The following PCDH17 variants were observed in gnomAD, a reference collection of about 807,000 sequenced individuals.
PCDH17 encodes the protein protocadherin-17.
A neutral mutation model predicts 67.7 loss-of-function variants in PCDH17; 21 were observed. The observed-to-expected ratio is 0.31, with a 90% CI of 0.22 to 0.45. The LOEUF (loss-of-function observed/expected upper bound fraction) is 0.45, where lower values mean the gene tolerates loss of function less well. Ranked by LOEUF, PCDH17 falls within the 20% of genes least tolerant of loss-of-function variation. The pLI is 1.00. For synonymous variants in PCDH17, 701 were observed against 656.7 expected (o/e 1.07, Z -1.03); for missense variants, 1,471 against 1,564.8 (o/e 0.94, Z 1.01).
At chr13:57,672,400 A>G (rs1326650206) in intron 3 of PCDH17, among the ~76,000 whole-genome samples, 3 of 151,976 alleles carry the variant, frequency 2.0e-5, no homozygotes, top group African/African-American at 7.2e-5. Flanking sequence ...GGAGGCTCTG[A>G]GTTTCACTCC....
At chr13:57,697,196 G>GT (rs1235442527) in intron 3 of PCDH17, among the ~76,000 whole-genome samples, 3 of 151,368 alleles carry the variant, frequency 2.0e-5, no homozygotes, top group Non-Finnish European at 4.4e-5. Context: ...ATTCAGGCTG[G>GT]TTTTTTATTC....
chr13:57,726,569 A>G lies in PCDH17; in HGVS notation c.*1275A>G, dbSNP rs1362183598. Reference sequence around the variant, plus strand: ...TTTAATGTATAGTCTACCAAGTACTACAGTACATAATCTGTTCAAAATGTG... The same window carrying G: ...TTTAATGTATAGTCTACCAAGTACTGCAGTACATAATCTGTTCAAAATGTG... On this transcript the variant is annotated 3_prime_UTR_variant, in exon 4 of 4. Coordinates refer to ENST00000377918, the MANE Select transcript of PCDH17 (RefSeq NM_001040429.3). 6.6e-6 allele frequency: 1 copy of G among 152,662 alleles called. No individual in the cohort carries two copies. Among genetic ancestry groups the G allele is most frequent in the Admixed American group, 6.5e-5 (1 of 15,288 alleles). 9.5% of individuals were successfully genotyped at this position (152,662 alleles called of 1,614,324 possible).
chr13:57,659,433 AC>A (rs1261039475), intron 1 of PCDH17, among the ~76,000 whole-genome samples: 4 of 152,086 alleles, frequency 2.6e-5, no homozygotes, highest in Admixed American at 6.6e-5. Context: ...AATTTACCAT[AC>A]ACTCATCCAG....
At chr13:57,697,398 T>G (rs1955620523) in intron 3 of PCDH17, among the ~76,000 whole-genome samples, 1 of 151,676 alleles carries the variant, frequency 6.6e-6, no homozygotes, top group African/African-American at 2.4e-5. Context: ...AGATTTGTGT[T>G]AACAGGTTTA....
At chr13:57,670,958 G>A (rs1955312650) in intron 3 of PCDH17, among the ~76,000 whole-genome samples, 1 of 151,964 alleles carries the variant, frequency 6.6e-6, no homozygotes, top group Non-Finnish European at 1.5e-5. Context: ...TACTAGAGCT[G>A]AAGACAGCTT....
At chr13:57,662,442 T>C (rs908879340) in intron 1 of PCDH17, among the ~76,000 whole-genome samples, 1 of 152,308 alleles carries the variant, frequency 6.6e-6, no homozygotes. Context: ...ATGTTCAGCA[T>C]ACAGATCCTA....
At chr13:57,706,225 G>A (rs1417633942) in intron 3 of PCDH17, among the ~76,000 whole-genome samples, 1 of 152,094 alleles carries the variant, frequency 6.6e-6, no homozygotes, top group Admixed American at 6.6e-5. Context: ...TTTCTTGGGT[G>A]CTGTCAATTG....
intron 3 of PCDH17, among the ~76,000 whole-genome samples, chr13:57,697,799 A>C (rs912030720): frequency 7.5e-4 from 114 of 151,662 alleles, no homozygotes; most frequent in African/African-American, 2.6e-3. Context: ...GGTACAAATG[A>C]AAGTTGGAAA....
At chr13:57,721,712 C>T (rs1955873305) in intron 3 of PCDH17, among the ~76,000 whole-genome samples, 1 of 152,014 alleles carries the variant, frequency 6.6e-6, no homozygotes, top group African/African-American at 2.4e-5. Context: ...TCTTCATCTA[C>T]CCCCAGCCCT....
At chr13:57,688,860 A>G (rs78544809) in intron 3 of PCDH17, among the ~76,000 whole-genome samples, 1,933 of 152,106 alleles carry the variant, frequency 0.013, 40 homozygotes, top group African/African-American at 0.044. Context: ...TTGTCTTACC[A>G]CCTCATAATG....
rs935180154 is a variant in PCDH17 at position 57,725,477 on chromosome 13, T to C, written c.*183T>C. ...CCACTGCTGATTTCTTTTTCAGAGA[T>C]AACAATGGTTTCGTTTTGACCAAAC... On this transcript the variant is annotated 3_prime_UTR_variant, in exon 4 of 4. Transcript: ENST00000377918. 1.5e-5 allele frequency: 8 copies of C among 546,876 alleles called. No individual in the cohort carries two copies. The highest frequency in any genetic ancestry group is 1.3e-4 in the African/African-American group (7 of 53,014). 33.9% of individuals were successfully genotyped at this position (546,876 alleles called of 1,614,324 possible).
chr13:57,670,597 T>C (rs1160669751), intron 3 of PCDH17, among the ~76,000 whole-genome samples: 4 of 150,580 alleles, frequency 2.7e-5, no homozygotes, highest in Non-Finnish European at 5.9e-5. Context: ...CCAATTTAAA[T>C]GATCTCATTT....
At chr13:57,710,973 C>T (rs1027932183) in intron 3 of PCDH17, among the ~76,000 whole-genome samples, 1 of 151,728 alleles carries the variant, frequency 6.6e-6, no homozygotes, top group African/African-American at 2.4e-5. Flanking sequence ...TGTCAGTGTG[C>T]ATGTGCATGC....
intron 3 of PCDH17, among the ~76,000 whole-genome samples, chr13:57,686,567 GA>G (rs1410496108): frequency 6.6e-6 from 1 of 151,942 alleles, no homozygotes; most frequent in Non-Finnish European, 1.5e-5. Flanking sequence ...AGTTTGAGTG[GA>G]AATATGAAGG....
intron 1 of PCDH17, among the ~76,000 whole-genome samples, chr13:57,650,438 C>T (rs937992570): frequency 6.6e-6 from 1 of 151,976 alleles, no homozygotes; most frequent in Non-Finnish European, 1.5e-5. Context: ...ACTACAGGGC[C>T]AGTTACTCCT....
chr13:57,661,954 G>A (rs997440429), intron 1 of PCDH17, among the ~76,000 whole-genome samples: 1 of 152,084 alleles, frequency 6.6e-6, no homozygotes, highest in Admixed American at 6.6e-5. Flanking sequence ...CCGCCTCCTG[G>A]ATTCAAGCGA....
intron 3 of PCDH17, among the ~76,000 whole-genome samples, chr13:57,685,178 T>C (rs1045966123): frequency 1.3e-5 from 2 of 152,080 alleles, no homozygotes; most frequent in South Asian, 4.1e-4. Flanking sequence ...TATAATTTTC[T>C]TCTAATTTAC....
rs1853036966 is a variant in PCDH17, at chr13:57,633,538, T to C, written c.992T>C (p.Ile331Thr). The C allele has an allele frequency of 1.9e-6, 3 of 1,613,760 alleles. No individual in the cohort carries two copies. Among genetic ancestry groups the C allele is most frequent in the Non-Finnish European group, 2.5e-6 (3 of 1,180,006 alleles). The stretch of plus-strand genomic sequence containing the variant: ...GCCCGAGACCTGGGGCCTAACCCTA[T>C]CCCAGCCCACTGCAAAGTCACGGTC... ...VQARDLGPNP[I>T]PAHCKVTVKL... Residue 331 changes from isoleucine (I) to threonine (T), a missense_variant, in exon 1 of 4, where the codon ATC becomes ACC. By Grantham distance (89) the Ile-to-Thr change is moderately conservative (BLOSUM62 -1). Around this residue, in one of 3 missense-constraint regions of PCDH17, gnomAD observed 1,163 missense variants for 1,230.0 expected, o/e 0.95. Transcript: ENST00000377918. The surrounding 1 kb of genome is among the most constrained non-coding windows in gnomAD (Gnocchi z 6.2).
At chr13:57,637,968 G>A (rs1055951171) in intron 1 of PCDH17, among the ~76,000 whole-genome samples, 3 of 151,976 alleles carry the variant, frequency 2.0e-5, no homozygotes, top group African/African-American at 7.2e-5. Context: ...AGTGATGTTT[G>A]TGAGAAGAGA....
Sources: allele counts gnomAD v4.1 joint callset (sites outside exome capture counted in the v4.1 genomes callset), GRCh38; gene constraint gnomAD v4.1.1; regional missense constraint gnomAD v4.1.1; non-coding constraint Gnocchi (gnomAD v3.1); transcripts MANE v1.5; gene names NCBI Gene and HGNC (gene_info 2026-07-23, HGNC 2026-07-21).